The following CTNNA3 variants were observed in gnomAD, a reference collection of about 807,000 sequenced individuals.
The protein encoded by CTNNA3 is catenin alpha-3.
In CTNNA3, 76 loss-of-function variants were observed where a neutral mutation model predicts 95.7. The ratio of observed to expected loss-of-function variants is 0.79; its 90% CI spans 0.66 to 0.96. CTNNA3 has a LOEUF of 0.96. Among genes scored for constraint, CTNNA3 ranks in the 40% least tolerant of loss-of-function variants. The pLI is 0.00. For synonymous variants in CTNNA3, 431 were observed against 374.4 expected, an observed-to-expected ratio of 1.15 and a Z score of -1.74; for missense variants, 1,191 against 1,089.8, an observed-to-expected ratio of 1.09 and a Z score of -1.31.
At chr10:66,720,694 C>T (rs566158137) in intron 9 of CTNNA3, among the ~76,000 whole-genome samples, 34 of 152,024 alleles carry the variant, frequency 2.2e-4, no homozygotes, top group South Asian at 4.1e-4. Flanking sequence ...AATAGCTGGG[C>T]GTGATGGTGG....
At chr10:66,433,166 T>C (rs562320303) in intron 11 of CTNNA3, among the ~76,000 whole-genome samples, 5 of 152,200 alleles carry the variant, frequency 3.3e-5, no homozygotes, top group Admixed American at 6.5e-5. Flanking sequence ...ATATACCCAC[T>C]AATGGGATTG....
intron 16 of CTNNA3, among the ~76,000 whole-genome samples, chr10:65,983,444 T>C (rs1021898353): frequency 6.6e-5 from 10 of 151,550 alleles, no homozygotes; most frequent in Non-Finnish European, 1.2e-4. Context: ...ATTTAGAATA[T>C]CTGCTAATAT....
In CTNNA3 at chr10:66,444,880, A is replaced by T. The variant is rs554651829; in HGVS notation, c.1532-65528T>A. 4.6e-5 allele frequency among the ~76,000 whole-genome samples: 7 copies of T among 152,310 alleles called. No individual in the cohort carries two copies. In the East Asian group the frequency reaches 9.6e-4, roughly 21 times the overall value. On this transcript the variant is annotated intron_variant, in intron 11 of 17. Coordinates refer to ENST00000433211, the MANE Select transcript of CTNNA3 (RefSeq NM_013266.4). ...TCCAATTAAAAGACACAGACTGGCAAATTGGATAAAGAGTCAAGACCCATC... is the reference window on the plus strand; with the variant it reads ...TCCAATTAAAAGACACAGACTGGCATATTGGATAAAGAGTCAAGACCCATC...
intron 5 of CTNNA3, among the ~76,000 whole-genome samples, chr10:67,389,316 G>A (rs1199746769): frequency 6.6e-6 from 1 of 150,882 alleles, no homozygotes; most frequent in African/African-American, 2.4e-5. Context: ...GACAAAGAAG[G>A]CCATTACATA....
At chr10:66,735,204 A>G (rs931387600) in intron 9 of CTNNA3, among the ~76,000 whole-genome samples, 12 of 151,976 alleles carry the variant, frequency 7.9e-5, no homozygotes, top group African/African-American at 2.9e-4. Context: ...TATCTTTGTC[A>G]GGCTTTTTAT....
intron 13 of CTNNA3, among the ~76,000 whole-genome samples, chr10:66,105,678 G>A (rs1164557037): frequency 6.6e-6 from 1 of 152,126 alleles, no homozygotes; most frequent in Non-Finnish European, 1.5e-5. Flanking sequence ...GTTTTTCTTT[G>A]TGTTTAACAC....
chr10:66,043,744 C>T (rs181543085), intron 15 of CTNNA3, among the ~76,000 whole-genome samples: 5 of 152,226 alleles, frequency 3.3e-5, no homozygotes, highest in Admixed American at 3.3e-4. Context: ...CCGCAGTTGC[C>T]TCAGGTGCCC....
intron 15 of CTNNA3, among the ~76,000 whole-genome samples, chr10:66,029,013 A>T (rs181348100): frequency 4.6e-4 from 70 of 152,264 alleles, no homozygotes; most frequent in Non-Finnish European, 8.2e-4. Flanking sequence ...TTGAGAAAAA[A>T]AGCTAAGAGA....
intron 5 of CTNNA3, among the ~76,000 whole-genome samples, chr10:67,437,908 G>A (rs541558656): frequency 6.6e-6 from 1 of 151,698 alleles, no homozygotes; most frequent in South Asian, 2.1e-4. Flanking sequence ...ACAAATAATG[G>A]CTTGGAGGAA....
intron 7 of CTNNA3, among the ~76,000 whole-genome samples, chr10:66,949,809 T>C (rs1257030644): frequency 6.8e-6 from 1 of 147,672 alleles, no homozygotes; most frequent in Non-Finnish European, 1.5e-5. Context: ...CCTAAAAGGA[T>C]AGCTTTCTCA....
At chr10:66,633,109 G>C (rs1394411719) in intron 9 of CTNNA3, among the ~76,000 whole-genome samples, 5 of 152,098 alleles carry the variant, frequency 3.3e-5, no homozygotes, top group Non-Finnish European at 7.4e-5. Context: ...GAGCAATTTA[G>C]TTTCACCTAC....
intron 5 of CTNNA3, among the ~76,000 whole-genome samples, chr10:67,454,906 T>C (rs1847116083): frequency 6.6e-6 from 1 of 152,110 alleles, no homozygotes; most frequent in South Asian, 2.1e-4. Context: ...AATTACAAAA[T>C]AAAGATATGA....
chr10:67,502,139 C>T (rs530311950), intron 5 of CTNNA3, among the ~76,000 whole-genome samples: 99 of 152,208 alleles, frequency 6.5e-4, no homozygotes, highest in African/African-American at 2.3e-3. Context: ...TGGTGACCTT[C>T]GGATGGGGTT....
chr10:66,975,803 A>G (rs1000760308), intron 7 of CTNNA3, among the ~76,000 whole-genome samples: 21 of 152,152 alleles, frequency 1.4e-4, no homozygotes, highest in African/African-American at 5.1e-4. Context: ...TTTCTAAGTT[A>G]ACACATGATA....
chr10:66,190,314 A>G (rs1240557952), intron 13 of CTNNA3, among the ~76,000 whole-genome samples: 2 of 152,172 alleles, frequency 1.3e-5, no homozygotes, highest in African/African-American at 4.8e-5. Flanking sequence ...AACCTGTCAA[A>G]CAAGAATTCT....
At chr10:67,691,452 C>T (rs919598467) in intron 1 of CTNNA3, among the ~76,000 whole-genome samples, 11 of 151,804 alleles carry the variant, frequency 7.2e-5, no homozygotes, top group African/African-American at 9.7e-5. Context: ...GTGAGGAGCG[C>T]CTCTTCCCGG....
chr10:66,174,476 A>C (rs2131839971), intron 13 of CTNNA3, among the ~76,000 whole-genome samples: 1 of 152,232 alleles, frequency 6.6e-6, no homozygotes, highest in East Asian at 1.9e-4. Context: ...GTAGGCATTC[A>C]AAGAAGGTAT....
intron 13 of CTNNA3, among the ~76,000 whole-genome samples, chr10:66,201,092 T>A (rs1016060465): frequency 6.6e-6 from 1 of 152,226 alleles, no homozygotes; most frequent in Non-Finnish European, 1.5e-5. Context: ...TATAAACTTA[T>A]GTGATTTTAA....
intron 5 of CTNNA3, among the ~76,000 whole-genome samples, chr10:67,232,194 C>CT (rs1323488836): frequency 6.6e-6 from 1 of 152,020 alleles, no homozygotes; most frequent in Non-Finnish European, 1.5e-5. Flanking sequence ...AGAGCAACTC[C>CT]AAGACACATA....
Sources: gnomAD v4.1 joint callset for allele counts (sites outside exome capture counted in the v4.1 genomes callset) on GRCh38, gnomAD v4.1.1 for gene constraint, MANE v1.5 for transcripts, NCBI Gene and HGNC (gene_info 2026-07-23, HGNC 2026-07-21) for gene names.